ALLC: variants seen among roughly 807,000 people sequenced by gnomAD.
The protein encoded by ALLC is allantoicase.
ALLC carries 40 observed loss-of-function variants against 45.0 expected under a neutral mutation model. That is an observed-to-expected ratio of 0.89 (90% CI 0.69 to 1.16). The LOEUF (loss-of-function observed/expected upper bound fraction) is 1.16, where lower values mean the gene tolerates loss of function less well. Among genes scored for constraint, ALLC ranks in the 50% most tolerant of loss-of-function variants. The probability of loss-of-function intolerance (pLI) is 0.00; values close to 1 mark genes in which losing one functional copy is unlikely to be tolerated. For synonymous variants in ALLC, 176 were observed against 178.1 expected (o/e 0.99, Z 0.09); for missense variants, 488 against 493.1 (o/e 0.99, Z 0.10).
intron 3 of ALLC, among the ~76,000 whole-genome samples, chr2:3,677,888 G>A (rs1228596847): frequency 6.6e-6 from 1 of 152,124 alleles, no homozygotes; most frequent in African/African-American, 2.4e-5. Context: ...CTTTCATGTC[G>A]GCTATTCCAA....
chr2:3,658,454 C>T (rs1294600779), intron 1 of ALLC, among the ~76,000 whole-genome samples, 160 bp downstream of exon 1: 1 of 152,228 alleles, frequency 6.6e-6, no homozygotes, highest in Non-Finnish European at 1.5e-5. Flanking sequence ...TGCCGTTGAA[C>T]TGTGTTGGTA....
chr2:3,677,974 G>C (rs1010650991), intron 3 of ALLC, among the ~76,000 whole-genome samples: 3 of 152,204 alleles, frequency 2.0e-5, no homozygotes, highest in African/African-American at 7.2e-5. Flanking sequence ...GCTGTCTAAG[G>C]AGGCTGTGTG....
At chr2:3,656,677 A>C (rs1365712845), upstream of ALLC, among the ~76,000 whole-genome samples, 1 of 152,336 alleles carries the variant, frequency 6.6e-6, no homozygotes, top group South Asian at 2.1e-4. Context: ...GAGAAATCTC[A>C]AGCCTCAGGC....
chr2:3,660,708 GCTAAA>G (rs1438157392), intron 1 of ALLC, among the ~76,000 whole-genome samples: 1 of 152,108 alleles, frequency 6.6e-6, no homozygotes, highest in East Asian at 1.9e-4. Context: ...GACCGCACAG[GCTAAA>G]CTAATTCTGA....
the ALLC span, among the ~76,000 whole-genome samples, chr2:3,651,442 TTAGG>T: frequency 0.036 from 923 of 25,590 alleles, 349 homozygotes; most frequent in Non-Finnish European, 0.06. Flanking sequence ...TGTGTGTGTG[TTAGG>T]AAGGGAGACG....
intron 3 of ALLC, among the ~76,000 whole-genome samples, chr2:3,677,031 G>T (rs563322657): frequency 6.6e-6 from 1 of 151,966 alleles, no homozygotes; most frequent in Admixed American, 6.5e-5. Flanking sequence ...CAGGTGATCC[G>T]CCCTCCTTGG....
At chr2:3,674,224 G>A in intron 3 of ALLC, 99 bp downstream of exon 3, 1 of 898,884 alleles carries the variant, frequency 1.1e-6, no homozygotes, top group Non-Finnish European at 1.8e-6. Context: ...ATGGAGTCAT[G>A]TGATGTACAC....
intron 7 of ALLC, among the ~76,000 whole-genome samples, chr2:3,692,134 G>A (rs903609640): frequency 5.3e-5 from 8 of 152,130 alleles, no homozygotes; most frequent in African/African-American, 1.9e-4. Context: ...TCCATTTGGG[G>A]ATGTCATAGT....
chr2:3,686,439 C>T (rs1667336368), intron 7 of ALLC, among the ~76,000 whole-genome samples: 1 of 150,716 alleles, frequency 6.6e-6, no homozygotes, highest in Non-Finnish European at 1.5e-5. Flanking sequence ...CAGGGTCTTT[C>T]ATTTAAATTT....
chr2:3,666,466 C>T (rs548872573), intron 1 of ALLC, among the ~76,000 whole-genome samples: 3 of 152,352 alleles, frequency 2.0e-5, no homozygotes, highest in East Asian at 3.9e-4. Flanking sequence ...CTTGGTGAGA[C>T]CCACAGGCCA....
At chr2:3,653,900 T>A (rs1273363948), upstream of ALLC, among the ~76,000 whole-genome samples, 1 of 152,180 alleles carries the variant, frequency 6.6e-6, no homozygotes, top group East Asian at 1.9e-4. This position sits in a 1 kb window ranked among gnomAD's most constrained non-coding sequence, Gnocchi z 4.1. Flanking sequence ...CTGCTGGGGT[T>A]TATCATCTAT....
intron 10 of ALLC, among the ~76,000 whole-genome samples, chr2:3,698,800 T>C (rs1667747885): frequency 6.6e-6 from 1 of 152,066 alleles, no homozygotes; most frequent in Admixed American, 6.6e-5. Flanking sequence ...TTAGGGTACA[T>C]GTGTACAACG....
the ALLC span, among the ~76,000 whole-genome samples, chr2:3,649,119 G>A: frequency 6.6e-6 from 1 of 152,160 alleles, no homozygotes; most frequent in South Asian, 2.1e-4. Context: ...GCAGGCTTGG[G>A]TGAAATGGCA....
the ALLC span, among the ~76,000 whole-genome samples, chr2:3,651,296 TTGGGTGGGTGGGTGGGTGGGGG>T: frequency 0.068 from 267 of 3,942 alleles, 38 homozygotes; most frequent in African/African-American, 0.12. Context: ...GGAATTCTTT[TTGGGTGGGTGGGTGGGTGGGGG>T]GGGTGTGTGT....
At chr2:3,660,544 T>C (rs1666546994) in intron 1 of ALLC, among the ~76,000 whole-genome samples, 1 of 152,126 alleles carries the variant, frequency 6.6e-6, no homozygotes, top group Admixed American at 6.5e-5. Flanking sequence ...TATCAATTTT[T>C]TTTTTCTTCT....
chr2:3,666,792 C>T (rs141786767), intron 1 of ALLC, among the ~76,000 whole-genome samples: 177 of 152,254 alleles, frequency 1.2e-3, no homozygotes, highest in African/African-American at 4.0e-3. Flanking sequence ...GTGGGGGCGA[C>T]GGTGGTGGGT....
At chr2:3,690,011 C>T (rs1467105928) in intron 7 of ALLC, among the ~76,000 whole-genome samples, 1 of 147,694 alleles carries the variant, frequency 6.8e-6, no homozygotes, top group Non-Finnish European at 1.5e-5. Flanking sequence ...GTAGCTACTC[C>T]TGCTCTTTTT....
chr2:3,683,215 A>G (rs1207106423), intron 7 of ALLC, 141 bp downstream of exon 7: 1 of 1,002,372 alleles, frequency 1.0e-6, no homozygotes. Flanking sequence ...TCTCCTTTTT[A>G]TGCTCTAGAA....
At chr2:3,696,482 TATTTTCCAA>T (rs989719570) in intron 9 of ALLC, 134 bp downstream of exon 9, 172 of 683,682 alleles carry the variant, frequency 2.5e-4, no homozygotes, top group Admixed American at 7.1e-4. Context: ...CTATGATTTA[TATTTTCCAA>T]ATTTCCCACT....
Sources: gnomAD v4.1 joint callset for allele counts (sites outside exome capture counted in the v4.1 genomes callset) on GRCh38, gnomAD v4.1.1 for gene constraint, Gnocchi (gnomAD v3.1) non-coding constraint, MANE v1.5 for transcripts, NCBI Gene and HGNC (gene_info 2026-07-23, HGNC 2026-07-21) for gene names.